GNG12: variants seen among roughly 807,000 people sequenced by gnomAD.
GNG12 encodes the protein guanine nucleotide-binding protein G(I)/G(S)/G(O) subunit gamma-12.
For missense variants in GNG12, 69 were observed against 83.8 expected, an observed-to-expected ratio of 0.82 and a Z score of 0.69; for synonymous variants, 28 against 29.7, an observed-to-expected ratio of 0.94 and a Z score of 0.19.
At chr1:67,797,894 G>A (rs1646841517) in intron 1 of GNG12, among the ~76,000 whole-genome samples, 1 of 152,158 alleles carries the variant, frequency 6.6e-6, no homozygotes, top group Non-Finnish European at 1.5e-5. Flanking sequence ...GGGCTGAGGT[G>A]ACACGCGTCT....
intron 2 of GNG12, among the ~76,000 whole-genome samples, chr1:67,720,449 C>T (rs1646350618): frequency 6.6e-6 from 1 of 152,148 alleles, no homozygotes; most frequent in Admixed American, 6.5e-5. Context: ...TATAGCAAGA[C>T]GGCTGACAAA....
intron 2 of GNG12, among the ~76,000 whole-genome samples, chr1:67,727,136 G>A (rs1646391450): frequency 6.6e-6 from 1 of 152,198 alleles, no homozygotes; most frequent in South Asian, 2.1e-4. Flanking sequence ...ACACTTTAAA[G>A]CAAATCCTAA....
intron 2 of GNG12, among the ~76,000 whole-genome samples, chr1:67,733,701 C>G (rs950975825): frequency 1.3e-5 from 2 of 152,106 alleles, no homozygotes; most frequent in Admixed American, 6.5e-5. Flanking sequence ...TTCCTTCTCC[C>G]CAGTGGACTT....
intron 2 of GNG12, among the ~76,000 whole-genome samples, chr1:67,746,079 G>A (rs1646505862): frequency 6.6e-6 from 1 of 152,186 alleles, no homozygotes; most frequent in Non-Finnish European, 1.5e-5. Flanking sequence ...AAAGCTCTTG[G>A]TGTATTGTAT....
intron 2 of GNG12, among the ~76,000 whole-genome samples, chr1:67,742,774 CAT>C (rs1016267961): frequency 6.6e-6 from 1 of 152,080 alleles, no homozygotes; most frequent in Non-Finnish European, 1.5e-5. Flanking sequence ...TTCTTGGAAA[CAT>C]ATAATGATTT....
intron 1 of GNG12, among the ~76,000 whole-genome samples, chr1:67,803,018 G>A (rs1194007633): frequency 1.3e-5 from 2 of 152,212 alleles, no homozygotes; most frequent in African/African-American, 2.4e-5. Flanking sequence ...AGTGCATTTC[G>A]CAAAGAAAAC....
intron 1 of GNG12, among the ~76,000 whole-genome samples, chr1:67,817,836 G>C (rs1287935836): frequency 6.8e-6 from 1 of 146,040 alleles, no homozygotes; most frequent in East Asian, 2.0e-4. Flanking sequence ...GCCCAGGCTG[G>C]AGTGCAGTGG....
intron 1 of GNG12, among the ~76,000 whole-genome samples, chr1:67,800,646 T>C (rs1646859372): frequency 6.6e-6 from 1 of 152,260 alleles, no homozygotes; most frequent in African/African-American, 2.4e-5. Context: ...TGAGACTTAA[T>C]TTTTACTGCT....
At chr1:67,764,731 G>T (rs1248286409) in intron 2 of GNG12, among the ~76,000 whole-genome samples, 1 of 152,192 alleles carries the variant, frequency 6.6e-6, no homozygotes, top group Non-Finnish European at 1.5e-5. Flanking sequence ...AATAACCGGG[G>T]TGGTGGCTAT....
chr1:67,772,869 A>G (rs1646682939), intron 2 of GNG12, among the ~76,000 whole-genome samples: 1 of 152,228 alleles, frequency 6.6e-6, no homozygotes, highest in Non-Finnish European at 1.5e-5. Flanking sequence ...AGAGGCACCC[A>G]TAGCTGTGAG....
At chr1:67,766,312 A>G (rs1646639088) in intron 2 of GNG12, among the ~76,000 whole-genome samples, 1 of 152,156 alleles carries the variant, frequency 6.6e-6, no homozygotes, top group Admixed American at 6.5e-5. Flanking sequence ...CTCGCATTTC[A>G]CCGAAAGGGG....
intron 2 of GNG12, among the ~76,000 whole-genome samples, chr1:67,734,931 G>A (rs1646443318): frequency 6.6e-6 from 1 of 152,142 alleles, no homozygotes; most frequent in Non-Finnish European, 1.5e-5. Flanking sequence ...TCGGCTCACT[G>A]TAACCTCTGC....
At chr1:67,751,862 G>A (rs574580646) in intron 2 of GNG12, among the ~76,000 whole-genome samples, 17 of 152,158 alleles carry the variant, frequency 1.1e-4, no homozygotes, top group Non-Finnish European at 1.2e-4. Context: ...TACTGAATGA[G>A]GTGAGCCTCT....
chr1:67,707,583 G>C lies in GNG12; in HGVS notation c.93+11C>G. On this transcript the variant is annotated intron_variant, in intron 3 of 3. Transcript: ENST00000370982. ...GCAGAAAGCATATGTTATCCAGTCG[G>C]GGCTTCTTACCTTTATTCTTTCAAT... The C allele has an allele frequency of 7.1e-7, 1 of 1,399,092 alleles. No individual in the cohort carries two copies. Among genetic ancestry groups the C allele is most frequent in the Non-Finnish European group, 1.0e-6 (1 of 990,038 alleles). The allele number at this position is 1,399,092 out of a possible 1,614,324, so 86.7% of individuals were successfully genotyped here.
intron 2 of GNG12, among the ~76,000 whole-genome samples, chr1:67,715,468 T>C (rs1379383418): frequency 6.6e-6 from 1 of 152,130 alleles, no homozygotes; most frequent in Non-Finnish European, 1.5e-5. Flanking sequence ...CAGGTAGAAG[T>C]GAGGAGGCCA....
intron 2 of GNG12, among the ~76,000 whole-genome samples, chr1:67,767,195 G>C (rs568038708): frequency 3.8e-4 from 58 of 152,232 alleles, no homozygotes; most frequent in Non-Finnish European, 7.1e-4. Context: ...ATCTTGTCCA[G>C]CCTGCCACCA....
chr1:67,777,401 A>C (rs1051366427), intron 2 of GNG12, 57 bp downstream of exon 2: 3 of 309,778 alleles, frequency 9.7e-6, no homozygotes, highest in Non-Finnish European at 9.4e-6. Context: ...AGAAGTGTGA[A>C]TATCATCTCA....
At chr1:67,774,691 G>C (rs939521012) in intron 2 of GNG12, among the ~76,000 whole-genome samples, 5 of 152,146 alleles carry the variant, frequency 3.3e-5, no homozygotes, top group African/African-American at 1.2e-4. Context: ...ACTACTGGTT[G>C]CTCTCCCTCC....
intron 1 of GNG12, among the ~76,000 whole-genome samples, chr1:67,786,985 GTATGTATA>G (rs1451842123): frequency 1.7e-5 from 2 of 118,976 alleles, no homozygotes; most frequent in African/African-American, 6.5e-5. Context: ...GTGTGTGTGT[GTATGTATA>G]TATATGTGTA....
Sources: allele counts gnomAD v4.1 joint callset (sites outside exome capture counted in the v4.1 genomes callset), GRCh38; gene constraint gnomAD v4.1.1; transcripts MANE v1.5; gene names NCBI Gene and HGNC (gene_info 2026-07-23, HGNC 2026-07-21).